ZFYVE9: variants seen among roughly 807,000 people sequenced by gnomAD.
The protein encoded by ZFYVE9 is zinc finger FYVE-type containing 9, also known as zinc finger FYVE domain-containing protein 9.
A neutral mutation model predicts 126.7 loss-of-function variants in ZFYVE9; 43 were observed. That is an observed-to-expected ratio of 0.34 (90% CI 0.27 to 0.44). The LOEUF (loss-of-function observed/expected upper bound fraction) is 0.44. Among genes scored for constraint, ZFYVE9 ranks in the 20% least tolerant of loss-of-function variants. The pLI, the probability that ZFYVE9 is intolerant of heterozygous loss-of-function variation, is 1.00. For missense variants in ZFYVE9, 1,476 were observed against 1,697.0 expected, an observed-to-expected ratio of 0.87 and a Z score of 2.29; for synonymous variants, 521 against 597.4, an observed-to-expected ratio of 0.87 and a Z score of 1.87.
chr1:52,179,171 G>A (rs1182831990), intron 1 of ZFYVE9, among the ~76,000 whole-genome samples: 1 of 152,154 alleles, frequency 6.6e-6, no homozygotes, highest in African/African-American at 2.4e-5. Context: ...AGATGTCTGG[G>A]TTTGGATGAT....
chr1:52,332,880 A>C lies in ZFYVE9; in HGVS notation c.3551A>C (p.Gln1184Pro). 1.2e-6 allele frequency: 2 copies of C among 1,614,200 alleles called. No homozygotes were observed. Among genetic ancestry groups the C allele is most frequent in the Non-Finnish European group, 1.7e-6 (2 of 1,180,024 alleles). ...GTACAGAATGATGATGGAAACTATCAGACCCAGGCTATCAGTATTCACAAT... is the reference window on the plus strand; with the variant it reads ...GTACAGAATGATGATGGAAACTATCCGACCCAGGCTATCAGTATTCACAAT... ...VCVQNDDGNY[Q>P]TQAISIHNQP... The change falls in exon 14 of 19, where the codon CAG becomes CCG. Residue 1184 changes from glutamine to proline, a missense_variant. Coordinates refer to ENST00000287727, the MANE Select transcript of ZFYVE9 (RefSeq NM_004799.4).
At chr1:52,148,720 C>T (rs1644326732) in intron 1 of ZFYVE9, among the ~76,000 whole-genome samples, 1 of 150,310 alleles carries the variant, frequency 6.7e-6, no homozygotes, top group African/African-American at 2.4e-5. Flanking sequence ...TGGCTCACTG[C>T]AACCTCTGTC....
Position 52,266,749 on chromosome 1 carries a change from A to G in ZFYVE9, c.2373A>G (p.Gln791=), listed in dbSNP as rs778781479. Residue 791 remains glutamine (Q), a synonymous_variant, in exon 6 of 19, where the codon CAA becomes CAG. Transcript: ENST00000287727. ...EYCSTIPPLQ[Q]AQASGALSSP... ...GTTCTACTATCCCTCCCTTGCAGCA[A>G]GCTCAGGCCTCAGGAGCTCTGAGCT... 3 of 1,612,462 alleles carry G rather than the reference A, an allele frequency of 1.9e-6. No homozygotes were observed. The African/African-American group carries it at 4.0e-5, about 22-fold the overall frequency.
At chr1:52,180,169 G>A in intron 1 of ZFYVE9, 5 of 1,371,696 alleles carry the variant, frequency 3.6e-6, no homozygotes, top group Non-Finnish European at 5.2e-6. Context: ...GCCAGTGAGG[G>A]TTTGTGGGTC....
intron 4 of ZFYVE9, chr1:52,254,036 T>C: frequency 1.3e-6 from 1 of 758,668 alleles, no homozygotes; most frequent in East Asian, 2.5e-5. Context: ...ATGATACAGA[T>C]TGCTGTTCTA....
chr1:52,268,748 A>G, intron 7 of ZFYVE9, 116 bp downstream of exon 7: 1 of 1,210,894 alleles, frequency 8.3e-7, no homozygotes, highest in Non-Finnish European at 1.1e-6. Context: ...CTTAGTGTAT[A>G]CGTGCACATA....
intron 4 of ZFYVE9, among the ~76,000 whole-genome samples, chr1:52,263,120 A>G (rs1645596339): frequency 6.6e-6 from 1 of 151,764 alleles, no homozygotes; most frequent in Non-Finnish European, 1.5e-5. Context: ...TAACAGGAAC[A>G]AAGGAGATTG....
At chr1:52,197,849 A>G (rs1252991015) in intron 1 of ZFYVE9, among the ~76,000 whole-genome samples, 3 of 152,054 alleles carry the variant, frequency 2.0e-5, no homozygotes, top group African/African-American at 4.8e-5. Flanking sequence ...AAAGTAGACA[A>G]CTCTCTTGAG....
At chr1:52,273,283 A>G (rs1645712900) in intron 7 of ZFYVE9, among the ~76,000 whole-genome samples, 1 of 151,352 alleles carries the variant, frequency 6.6e-6, no homozygotes, top group Admixed American at 6.6e-5. Context: ...CTGGGATTAC[A>G]GGCGTGAGCC....
Position 52,179,836 on chromosome 1 carries a change from TG to T in ZFYVE9, c.-142-36531del, listed in dbSNP as rs1028409574. ...AGGGGGCACAGCTGGCTTCAGCAAT[TG>T]GAAACAAGATGCAGGACCCCAACGC... On this transcript the variant is annotated intron_variant, in intron 1 of 18. Transcript: ENST00000287727. The T allele has an allele frequency of 3.0e-5, 19 of 642,108 alleles. No individual in the cohort carries two copies. In the Admixed American group the frequency reaches 3.8e-4, roughly 13 times the overall value. 39.8% of individuals were successfully genotyped at this position (642,108 alleles called of 1,614,324 possible).
At chr1:52,173,755 A>G (rs1194134265) in intron 1 of ZFYVE9, among the ~76,000 whole-genome samples, 1 of 152,086 alleles carries the variant, frequency 6.6e-6, no homozygotes, top group Non-Finnish European at 1.5e-5. Flanking sequence ...CGAGGAATTT[A>G]TCCATTTCTT....
At chr1:52,281,272 A>G (rs1645801214) in intron 9 of ZFYVE9, among the ~76,000 whole-genome samples, 2 of 151,464 alleles carry the variant, frequency 1.3e-5, no homozygotes, top group Non-Finnish European at 3.0e-5. Context: ...AGCTGGGACT[A>G]CAGGCGCCCG....
chr1:52,310,402 G>T (rs987396590), intron 13 of ZFYVE9, among the ~76,000 whole-genome samples: 3 of 152,128 alleles, frequency 2.0e-5, no homozygotes, highest in African/African-American at 7.2e-5. Flanking sequence ...TTTTACAGAT[G>T]AGGAAATTAA....
At chr1:52,146,780 TA>T (rs1644310069) in intron 1 of ZFYVE9, among the ~76,000 whole-genome samples, 1 of 152,198 alleles carries the variant, frequency 6.6e-6, no homozygotes, top group South Asian at 2.1e-4. Flanking sequence ...ATTGCTAAAT[TA>T]AGGAGGAACC....
chr1:52,252,666 T>C (rs922301669), intron 4 of ZFYVE9: 23 of 337,556 alleles, frequency 6.8e-5, no homozygotes, highest in African/African-American at 4.2e-4. Flanking sequence ...CCGAAAAATT[T>C]GTTTTACTTG....
chr1:52,250,482 C>T (rs1052691523), intron 4 of ZFYVE9, among the ~76,000 whole-genome samples: 5 of 151,984 alleles, frequency 3.3e-5, no homozygotes, highest in Non-Finnish European at 5.9e-5. Context: ...GAAACTTTGC[C>T]GCATTTATTA....
In ZFYVE9 at chr1:52,239,196, G is replaced by C; in HGVS notation, c.1779G>C (p.Lys593Asn). The C allele has an allele frequency of 6.2e-7, 1 of 1,614,040 alleles. No individual in the cohort carries two copies. Among genetic ancestry groups the C allele is most frequent in the Non-Finnish European group, 8.5e-7 (1 of 1,179,998 alleles). ...QPSNLKLQIP[K>N]PLSDHLQNDF... is the part of the protein sequence containing the mutation. ...CTAATCTTAAACTTCAAATTCCAAAGCCATTATCAGACCATTTACAAAATG... is the reference window on the plus strand; with the variant it reads ...CTAATCTTAAACTTCAAATTCCAAACCCATTATCAGACCATTTACAAAATG... Residue 593 changes from lysine to asparagine, a missense_variant, in exon 4 of 19, where the codon AAG (lysine) becomes AAC (asparagine). Transcript: ENST00000287727.
At chr1:52,200,084 T>G (rs576754104) in intron 1 of ZFYVE9, among the ~76,000 whole-genome samples, 1 of 152,144 alleles carries the variant, frequency 6.6e-6, no homozygotes, top group East Asian at 1.9e-4. Context: ...TAATAGACCT[T>G]TATCAGATAA....
At chr1:52,249,963 A>G (rs1299399244) in intron 4 of ZFYVE9, among the ~76,000 whole-genome samples, 2 of 152,064 alleles carry the variant, frequency 1.3e-5, no homozygotes, top group Admixed American at 6.5e-5. Context: ...TTTCTATTCC[A>G]TTGGTCTTTA....
Sources: gnomAD v4.1 joint callset for allele counts (sites outside exome capture counted in the v4.1 genomes callset) on GRCh38, gnomAD v4.1.1 for gene constraint, MANE v1.5 for transcripts, NCBI Gene and HGNC (gene_info 2026-07-23, HGNC 2026-07-21) for gene names.